Variants in EXPH5 observed in about 807,000 individuals in gnomAD.
EXPH5 encodes the protein exophilin-5.
EXPH5 carries 42 observed loss-of-function variants against 41.1 expected under a neutral mutation model. That is an observed-to-expected ratio of 1.02 (90% confidence interval 0.80 to 1.32). The LOEUF (loss-of-function observed/expected upper bound fraction) is 1.32, where lower values mean the gene tolerates loss of function less well. Ranked by LOEUF, EXPH5 falls within the 40% of genes most tolerant of loss-of-function variation. The probability of loss-of-function intolerance (pLI) is 0.00; values close to 1 mark genes in which losing one functional copy is unlikely to be tolerated. For synonymous variants in EXPH5, 798 were observed against 833.5 expected (o/e 0.96, Z 0.73); for missense variants, 2,298 against 2,314.5 (o/e 0.99, Z 0.15).
At chr11:108,562,973 A>T (rs948564065) in intron 1 of EXPH5, among the ~76,000 whole-genome samples, 1 of 152,250 alleles carries the variant, frequency 6.6e-6, no homozygotes, top group South Asian at 2.1e-4. Context: ...GATTCAAGAC[A>T]TCTAAGGGAG....
In EXPH5 at chr11:108,510,418, G is replaced by A. The variant is rs149024755; in HGVS notation, c.5089C>T (p.Gln1697Ter). The A allele has an allele frequency of 1.9e-6, 3 of 1,613,904 alleles. No homozygotes were observed. The highest frequency in any genetic ancestry group is 2.2e-5 in the East Asian group (1 of 44,898). The stretch of plus-strand genomic sequence containing the variant: ...TTTTTAAACTCATTCTGATGTCGTT[G>A]TGAAATGCTGTTAGACTTCTGGTTG... ...VSNQKSNSISQRHQNEFKNVS... is the reference protein window; with the variant it reads ...VSNQKSNSIS The change falls in exon 6 of 6, where the codon CAA becomes TAA. Residue 1697 changes from glutamine (Q) to a stop codon, truncating the protein, a stop_gained. Transcript: ENST00000265843. LOFTEE classifies it low-confidence loss of function (END_TRUNC).
chr11:108,555,652 T>C (rs976618271), intron 1 of EXPH5, among the ~76,000 whole-genome samples: 5 of 152,178 alleles, frequency 3.3e-5, no homozygotes, highest in Admixed American at 2.6e-4. Context: ...GGGTGGGACC[T>C]CGTGGGAGGT....
Position 108,512,702 on chromosome 11 carries a change from A to G in EXPH5, c.2805T>C (p.Phe935=). 1 of 1,614,076 alleles carries G rather than the reference A, an allele frequency of 6.2e-7. No individual in the cohort carries two copies. ...CTTGGTTTTCTGAGTGGCTTACAAT[A>G]AACTGATTCTTTTGGTTCTTCCCAG... ...DNAGKNQKNQ[F]IVSHSENQER... is the part of the protein sequence containing the mutation. The change falls in exon 6 of 6, where the codon TTT becomes TTC. Residue 935 remains phenylalanine, a synonymous_variant. Transcript: ENST00000265843.
intron 1 of EXPH5, among the ~76,000 whole-genome samples, chr11:108,561,758 A>G (rs913152283): frequency 1.3e-5 from 2 of 152,218 alleles, no homozygotes; most frequent in African/African-American, 2.4e-5. Flanking sequence ...CTAAAGTGAC[A>G]TGGCTAAGAG....
intron 1 of EXPH5, among the ~76,000 whole-genome samples, chr11:108,572,694 G>A (rs2094064757): frequency 6.6e-6 from 1 of 152,036 alleles, no homozygotes; most frequent in South Asian, 2.1e-4. Context: ...GAATAGCTGG[G>A]GTTACAGGCA....
chr11:108,563,057 T>C (rs1221510652), intron 1 of EXPH5, among the ~76,000 whole-genome samples: 1 of 39,340 alleles, frequency 2.5e-5, no homozygotes, highest in African/African-American at 5.9e-5. Context: ...TCTCTCTAGT[T>C]AGGGTTTAAG....
chr11:108,562,137 GA>G (rs1188726004), intron 1 of EXPH5, among the ~76,000 whole-genome samples: 1 of 152,140 alleles, frequency 6.6e-6, no homozygotes, highest in East Asian at 1.9e-4. Context: ...AGAACATAAT[GA>G]AAACATCCAG....
At position 108,541,636 on chromosome 11, in the gene EXPH5, A is replaced by G; in HGVS notation, c.280+16T>C. 2 of 1,568,188 alleles carry G rather than the reference A, an allele frequency of 1.3e-6. No homozygotes were observed. Among genetic ancestry groups the G allele is most frequent in the South Asian group, 1.2e-5 (1 of 86,564 alleles). On this transcript the variant is annotated intron_variant, in intron 2 of 5. Transcript: ENST00000265843. ...AAACAAAGAAATCAACTTTAAATCT[A>G]AAATCTTTTTCTTACCATTTTTTGC... is the stretch of plus-strand genomic sequence containing the variant.
chr11:108,577,623 G>A (rs1012919546), intron 1 of EXPH5, among the ~76,000 whole-genome samples: 9 of 151,834 alleles, frequency 5.9e-5, no homozygotes, highest in Non-Finnish European at 8.8e-5. Context: ...GGGTTTCGCC[G>A]TGTTGCCCAG....
chr11:108,556,930 A>T (rs1240252117), intron 1 of EXPH5, among the ~76,000 whole-genome samples: 1 of 152,084 alleles, frequency 6.6e-6, no homozygotes, highest in East Asian at 1.9e-4. Flanking sequence ...TGCCTTTTCT[A>T]CCACTTTTAA....
Position 108,508,423 on chromosome 11 carries a change from C to T in EXPH5, c.*1114G>A, listed in dbSNP as rs2093655989. 6.5e-6 allele frequency: 1 copy of T among 152,784 alleles called. No individual in the cohort carries two copies. Among genetic ancestry groups the T allele is most frequent in the Admixed American group, 6.5e-5 (1 of 15,290 alleles). The allele number at this position is 152,784 out of a possible 1,614,324, so 9.5% of individuals were successfully genotyped here. A position where few individuals can be genotyped will look rare whatever the true frequency, so the allele number is the denominator to read the frequency against. ...TCTGGAGGCTGAGGCAGGAGAATCG[C>T]TTGAACCCGGGAGGCGGAGGTTGCA... On this transcript the variant is annotated 3_prime_UTR_variant, in exon 6 of 6. Transcript: ENST00000265843.
intron 3 of EXPH5, among the ~76,000 whole-genome samples, chr11:108,535,350 C>T (rs1271569088): frequency 6.6e-6 from 1 of 152,194 alleles, no homozygotes; most frequent in Non-Finnish European, 1.5e-5. Context: ...CTCCCCTCGT[C>T]TTGTTTCTCC....
At chr11:108,606,730 A>G in the EXPH5 span, among the ~76,000 whole-genome samples, 1 of 151,916 alleles carries the variant, frequency 6.6e-6, no homozygotes, top group Non-Finnish European at 1.5e-5. Context: ...CTCTCCTCAT[A>G]CAGGTTTTTT....
Position 108,510,052 on chromosome 11 carries a change from G to A in EXPH5, c.5455C>T (p.His1819Tyr). The change falls in exon 6 of 6, where the codon CAT becomes TAT. Residue 1819 changes from histidine to tyrosine, a missense_variant. Transcript: ENST00000265843. ...TCAATAGAAGTGCTTTCAGAAAAAT[G>A]GCGCTCCCTGACTTTTGGAGGATGG... ...KSHPPKVRER[H>Y]FSESTSIDNA... The A allele has an allele frequency of 6.2e-7, 1 of 1,611,326 alleles. No individual in the cohort carries two copies. Among genetic ancestry groups the A allele is most frequent in the Non-Finnish European group, 8.5e-7 (1 of 1,179,112 alleles).
chr11:108,530,568 G>A (rs180735945), intron 3 of EXPH5, among the ~76,000 whole-genome samples: 1 of 152,342 alleles, frequency 6.6e-6, no homozygotes, highest in Admixed American at 6.5e-5. Flanking sequence ...AATCCAATAT[G>A]CCTGGAGCCA....
Position 108,511,011 on chromosome 11 carries a change from G to A in EXPH5, c.4496C>T (p.Thr1499Ile), listed in dbSNP as rs755045088. The A allele has an allele frequency of 6.2e-7, 1 of 1,614,182 alleles. No homozygotes were observed. Among genetic ancestry groups the A allele is most frequent in the Non-Finnish European group, 8.5e-7 (1 of 1,180,024 alleles). ...GACTTGACTCTCTGAGTGAGAAAGT[G>A]TTTTATTAGTCATTTTTTGGCAGTT... ...GTNCQKMTNK[T>I]LSHSESQVFA... The change falls in exon 6 of 6, where the codon ACA (threonine) becomes ATA (isoleucine). Residue 1499 changes from threonine (T) to isoleucine (I), a missense_variant. Coordinates refer to ENST00000265843, the MANE Select transcript of EXPH5 (RefSeq NM_015065.3).
rs986237234 is a variant in EXPH5, at chr11:108,509,405, G to T, written c.*132C>A. On this transcript the variant is annotated 3_prime_UTR_variant, in exon 6 of 6. Coordinates refer to ENST00000265843, the MANE Select transcript of EXPH5 (RefSeq NM_015065.3). Reference sequence around the variant, plus strand: ...TATATAGGGTGTGGAGGAAAAAAAAGGAGATGTGGGACATTTCAGAGCAGA... The same window carrying T: ...TATATAGGGTGTGGAGGAAAAAAAATGAGATGTGGGACATTTCAGAGCAGA... 1.3e-6 allele frequency: 1 copy of T among 774,758 alleles called. No homozygotes were observed. The highest frequency in any genetic ancestry group is 2.5e-5 in the South Asian group (1 of 39,876). 48.0% of individuals were successfully genotyped at this position (774,758 alleles called of 1,614,324 possible).
At chr11:108,605,085 GA>G in the EXPH5 span, among the ~76,000 whole-genome samples, 88 of 152,146 alleles carry the variant, frequency 5.8e-4, no homozygotes, top group African/African-American at 2.0e-3. Context: ...TTAGCCAACA[GA>G]AAAAAAATTC....
chr11:108,513,206 T>C lies in EXPH5; in HGVS notation c.2301A>G (p.Lys767=). 1 of 1,614,114 alleles carries C rather than the reference T, an allele frequency of 6.2e-7. No homozygotes were observed. The highest frequency in any genetic ancestry group is 1.1e-5 in the South Asian group (1 of 91,066). The change falls in exon 6 of 6, where the codon AAA becomes AAG. Residue 767 remains lysine (K), a synonymous_variant. Coordinates refer to ENST00000265843, the MANE Select transcript of EXPH5 (RefSeq NM_015065.3). The part of the protein sequence containing the change: ...GFNASTIISS[K]KSPRVFSRKD... ...TCCTGGAAAAGACTCTGGGTGACTT[T>C]TTTGAACTTATTATGGTAGATGCAT...
Sources: gnomAD v4.1 joint callset for allele counts (sites outside exome capture counted in the v4.1 genomes callset) on GRCh38, gnomAD v4.1.1 for gene constraint, MANE v1.5 for transcripts, NCBI Gene and HGNC (gene_info 2026-07-23, HGNC 2026-07-21) for gene names.